SLC4A5: variants seen among roughly 807,000 people sequenced by gnomAD.
The protein encoded by SLC4A5 is electrogenic sodium bicarbonate cotransporter 4.
SLC4A5 carries 96 observed loss-of-function variants against 120.4 expected under a neutral mutation model. That is an observed-to-expected ratio of 0.80 (90% CI 0.68 to 0.94). The LOEUF is 0.94. SLC4A5 is among the 40% of genes least tolerant of loss of function. The pLI is 0.00. For synonymous variants in SLC4A5, 550 were observed against 571.1 expected, an observed-to-expected ratio of 0.96 and a Z score of 0.53; for missense variants, 1,259 against 1,459.5, an observed-to-expected ratio of 0.86 and a Z score of 2.24.
At chr2:74,267,049 A>G (rs1479833528) in intron 8 of SLC4A5, among the ~76,000 whole-genome samples, 1 of 152,246 alleles carries the variant, frequency 6.6e-6, no homozygotes, top group Non-Finnish European at 1.5e-5. Context: ...AAGATGGCCA[A>G]TAAACATATG....
At chr2:74,221,571 C>T (rs940527842) in intron 29 of SLC4A5, 70 bp from the exon 30 acceptor site, 4 of 1,483,388 alleles carry the variant, frequency 2.7e-6, no homozygotes, top group African/African-American at 2.8e-5. Context: ...GCTTCCCCCA[C>T]CATTTCCTTT....
chr2:74,311,755 C>T (rs1672811653), intron 6 of SLC4A5, among the ~76,000 whole-genome samples: 1 of 152,024 alleles, frequency 6.6e-6, no homozygotes, highest in African/African-American at 2.4e-5. Context: ...TCTACATGAG[C>T]TTGAGAAGAA....
chr2:74,317,125 CT>C (rs1454985851), intron 5 of SLC4A5, among the ~76,000 whole-genome samples: 1 of 152,212 alleles, frequency 6.6e-6, no homozygotes, highest in Non-Finnish European at 1.5e-5. Flanking sequence ...TGCCTTTCCC[CT>C]CCTCCTTCGA....
intron 5 of SLC4A5, among the ~76,000 whole-genome samples, chr2:74,315,453 A>G (rs890829412): frequency 9.2e-5 from 14 of 151,590 alleles, no homozygotes; most frequent in African/African-American, 3.4e-4. Context: ...AAAAGAAAAA[A>G]AAAAAAAAAA....
In SLC4A5 at chr2:74,282,926, G is replaced by C. The variant is rs565207643; in HGVS notation, c.401+2847C>G. Among the ~76,000 whole-genome samples the C allele has an allele frequency of 2.6e-5, 4 of 152,358 alleles. No homozygotes were observed. The South Asian group carries it at 8.3e-4, about 32-fold the overall frequency. The stretch of plus-strand genomic sequence containing the variant: ...GAGAGGCCCTCGTTCAGGGCGGGCA[G>C]TGGCTTCAGGCCCTGGCCCCTCAGA... On this transcript the variant is annotated intron_variant, in intron 8 of 30. Coordinates refer to ENST00000394019, the Ensembl canonical transcript of SLC4A5.
chr2:74,307,406 G>A (rs1297168858), intron 6 of SLC4A5: 22 of 637,374 alleles, frequency 3.5e-5, no homozygotes, highest in East Asian at 1.8e-4. Flanking sequence ...CGAGAGCCTC[G>A]ATCTCTGTCT....
chr2:74,297,673 G>A (rs1293333267), intron 7 of SLC4A5, among the ~76,000 whole-genome samples: 1 of 152,130 alleles, frequency 6.6e-6, no homozygotes, highest in Non-Finnish European at 1.5e-5. Flanking sequence ...TCCCCCCAGG[G>A]TAGAAACCCT....
At chr2:74,335,539 G>A (rs1673459891) in intron 3 of SLC4A5, among the ~76,000 whole-genome samples, 1 of 152,178 alleles carries the variant, frequency 6.6e-6, no homozygotes, top group African/African-American at 2.4e-5. Context: ...CTCACCCTGT[G>A]CCCCTGTGCC....
intron 7 of SLC4A5, among the ~76,000 whole-genome samples, chr2:74,289,617 T>C (rs1285555613): frequency 6.6e-6 from 1 of 152,238 alleles, no homozygotes; most frequent in Non-Finnish European, 1.5e-5. Flanking sequence ...GGACCCAGCC[T>C]ATTACTTTTA....
chr2:74,242,023 G>A, exon 20 of SLC4A5: 1 of 1,607,124 alleles, frequency 6.2e-7, no homozygotes. Flanking sequence ...GGTGCCAATG[G>A]GGCTGAAGCA....
chr2:74,220,229 C>T (rs1351949858), intron 30 of SLC4A5, among the ~76,000 whole-genome samples: 3 of 152,142 alleles, frequency 2.0e-5, no homozygotes, highest in Non-Finnish European at 4.4e-5. Context: ...GGAGTCTCAC[C>T]TTTTTCACGG....
chr2:74,278,393 G>C (rs1033166603), intron 8 of SLC4A5, among the ~76,000 whole-genome samples: 4 of 152,148 alleles, frequency 2.6e-5, no homozygotes, highest in Admixed American at 2.0e-4. Flanking sequence ...TCACTGCCTG[G>C]CTGTCCCCAT....
chr2:74,299,759 C>T (rs1221763408), intron 7 of SLC4A5, among the ~76,000 whole-genome samples: 2 of 152,126 alleles, frequency 1.3e-5, no homozygotes, highest in Non-Finnish European at 2.9e-5. Context: ...AACACTTGTG[C>T]ACTGTTGGTG....
chr2:74,239,423 G>C (rs374606592), exon 21 of SLC4A5: 1 of 1,614,188 alleles, frequency 6.2e-7, no homozygotes, highest in Non-Finnish European at 8.5e-7. Flanking sequence ...GGACATGAGC[G>C]CCAGGTCTGG....
intron 6 of SLC4A5, among the ~76,000 whole-genome samples, chr2:74,310,933 G>C (rs902731942): frequency 6.7e-5 from 10 of 148,930 alleles, no homozygotes; most frequent in African/African-American, 2.5e-4. Flanking sequence ...AAGGCCTGTT[G>C]CTCTTTTTTT....
intron 18 of SLC4A5, 81 bp from the exon 19 acceptor site, chr2:74,247,388 G>C: frequency 6.9e-7 from 1 of 1,453,108 alleles, no homozygotes; most frequent in Non-Finnish European, 9.3e-7. Context: ...TCCTTAAGTG[G>C]CTTATCTGTC....
intron 8 of SLC4A5, among the ~76,000 whole-genome samples, chr2:74,283,757 T>G (rs959702239): frequency 6.6e-6 from 1 of 152,260 alleles, no homozygotes; most frequent in East Asian, 1.9e-4. Context: ...AAAAACTGTT[T>G]CTTCGAGGAG....
chr2:74,248,767 A>G (rs1670699242), intron 17 of SLC4A5, among the ~76,000 whole-genome samples: 1 of 152,198 alleles, frequency 6.6e-6, no homozygotes, highest in Non-Finnish European at 1.5e-5. Flanking sequence ...CTCTGTGTCC[A>G]TTCTACTCCC....
intron 2 of SLC4A5, among the ~76,000 whole-genome samples, chr2:74,341,845 G>T (rs1005750342): frequency 6.6e-6 from 1 of 152,190 alleles, no homozygotes; most frequent in East Asian, 1.9e-4. Flanking sequence ...CTGGAGTAAG[G>T]AGAGGAAGGC....
Sources: allele counts gnomAD v4.1 joint callset (sites outside exome capture counted in the v4.1 genomes callset), GRCh38; gene constraint gnomAD v4.1.1; transcripts MANE v1.5; gene names NCBI Gene and HGNC (gene_info 2026-07-23, HGNC 2026-07-21).